The following RSPO3 variants were observed in gnomAD, a reference collection of about 807,000 sequenced individuals.
RSPO3 encodes the protein R-spondin-3.
RSPO3 carries 17 observed loss-of-function variants against 36.5 expected under a neutral mutation model. The observed-to-expected ratio is 0.47, with a 90% CI of 0.32 to 0.70. The LOEUF (loss-of-function observed/expected upper bound fraction) is 0.70. Ranked by LOEUF, RSPO3 falls within the 30% of genes least tolerant of loss-of-function variation. The pLI is 0.04. For synonymous variants in RSPO3, 108 were observed against 107.0 expected (o/e 1.01, Z -0.06); for missense variants, 294 against 322.5 (o/e 0.91, Z 0.68).
intron 4 of RSPO3, among the ~76,000 whole-genome samples, chr6:127,176,027 CTG>C (rs1775049643): frequency 6.6e-6 from 1 of 151,644 alleles, no homozygotes; most frequent in Non-Finnish European, 1.5e-5. Context: ...TTTGGATGCT[CTG>C]TAATGTTAAG....
chr6:127,121,761 G>T (rs1014202902), intron 1 of RSPO3, among the ~76,000 whole-genome samples: 6 of 152,178 alleles, frequency 3.9e-5, no homozygotes, highest in Non-Finnish European at 7.4e-5. Flanking sequence ...CGAACAAAAA[G>T]ATTCAATTCA....
At chr6:127,131,883 C>T (rs1774065171) in intron 1 of RSPO3, among the ~76,000 whole-genome samples, 1 of 152,114 alleles carries the variant, frequency 6.6e-6, no homozygotes, top group Non-Finnish European at 1.5e-5. Flanking sequence ...AATTTATTTA[C>T]TGGGTCTCTG....
intron 1 of RSPO3, among the ~76,000 whole-genome samples, chr6:127,122,237 A>G (rs572496729): frequency 1.3e-5 from 2 of 152,372 alleles, no homozygotes; most frequent in Admixed American, 1.3e-4. Context: ...TAAAAGAAAC[A>G]ATGTTTTAAG....
intron 4 of RSPO3, among the ~76,000 whole-genome samples, chr6:127,191,228 G>T (rs751339854): frequency 1.3e-5 from 2 of 152,146 alleles, no homozygotes; most frequent in South Asian, 2.1e-4. Flanking sequence ...AAAAATGAAA[G>T]AAACAAAGGA....
In RSPO3 at chr6:127,128,592, C is replaced by T. The variant is rs142697971; in HGVS notation, c.97+9303C>T. Among the ~76,000 whole-genome samples the T allele has an allele frequency of 2.7e-3, 403 of 152,022 alleles. 1 individual carries two copies. Among genetic ancestry groups the T allele is most frequent in the South Asian group, 4.6e-3 (22 of 4,806 alleles). On this transcript the variant is annotated intron_variant, in intron 1 of 4. Transcript: ENST00000356698. ...GGGAAGGCTAGACAGACAAAATAGA[C>T]GTATGTGGAGTGTGATTACAAATGA...
Position 127,198,806 on chromosome 6 carries a change from C to T in RSPO3, c.*2799C>T, listed in dbSNP as rs1775564419. On this transcript the variant is annotated 3_prime_UTR_variant, in exon 5 of 5. Transcript: ENST00000356698. ...ATCACTCTAGTTCCAGACAAGGGAACATTTCACACTTTGTTTACTTCAGGG... is the reference window on the plus strand; with the variant it reads ...ATCACTCTAGTTCCAGACAAGGGAATATTTCACACTTTGTTTACTTCAGGG... 1.3e-5 allele frequency among the ~76,000 whole-genome samples: 2 copies of T among 152,188 alleles called. No homozygotes were observed. The highest frequency in any genetic ancestry group is 4.8e-5 in the African/African-American group (2 of 41,446).
intron 4 of RSPO3, among the ~76,000 whole-genome samples, chr6:127,171,918 C>T (rs1459659022): frequency 6.6e-6 from 1 of 151,432 alleles, no homozygotes; most frequent in African/African-American, 2.4e-5. Context: ...GCAGATGACA[C>T]ATGTATATTG....
chr6:127,194,470 T>C (rs574107961), intron 4 of RSPO3, among the ~76,000 whole-genome samples: 3 of 152,332 alleles, frequency 2.0e-5, no homozygotes, highest in Non-Finnish European at 4.4e-5. Context: ...TATGTGTTCA[T>C]GGATGTTACT....
rs951804479 is a variant in RSPO3 at position 127,196,884 on chromosome 6, G to T, written c.*877G>T. Reference sequence around the variant, plus strand: ...AGAGCAAGGAGAATATAACATGTTTGCAAAGTCATGTGTTTTCTTTCTCAA... The same window carrying T: ...AGAGCAAGGAGAATATAACATGTTTTCAAAGTCATGTGTTTTCTTTCTCAA... On this transcript the variant is annotated 3_prime_UTR_variant, in exon 5 of 5. Coordinates refer to ENST00000356698, the MANE Select transcript of RSPO3 (RefSeq NM_032784.5). 1 of 152,604 alleles carries T rather than the reference G, an allele frequency of 6.6e-6. No homozygotes were observed. Among genetic ancestry groups the T allele is most frequent in the African/African-American group, 2.4e-5 (1 of 41,398 alleles). 9.5% of individuals were successfully genotyped at this position (152,604 alleles called of 1,614,324 possible). A position where few individuals can be genotyped will look rare whatever the true frequency, so the allele number is the denominator to read the frequency against.
intron 4 of RSPO3, among the ~76,000 whole-genome samples, chr6:127,175,639 G>A (rs186967168): frequency 1.1e-4 from 16 of 151,750 alleles, no homozygotes; most frequent in African/African-American, 3.9e-4. Flanking sequence ...TTTTCTCCCT[G>A]TCAACATTGC....
At position 127,119,283 on chromosome 6, in the gene RSPO3, CGAA is replaced by C. The variant is rs1562237325; in HGVS notation, c.96_97+1del. On this transcript the variant is annotated inframe_deletion, in exon 1 of 5. Coordinates refer to ENST00000356698, the MANE Select transcript of RSPO3 (RefSeq NM_032784.5). ...AAACGCCTCCCGGGGAAGGCGCCAG[CGAA>C]GAAGTAAGTGCAGGGTTTTTTACGC... The C allele has an allele frequency of 6.2e-7, 1 of 1,611,048 alleles. No homozygotes were observed. Among genetic ancestry groups the C allele is most frequent in the African/African-American group, 1.3e-5 (1 of 75,000 alleles).
chr6:127,174,100 T>C (rs76128182), intron 4 of RSPO3, among the ~76,000 whole-genome samples: 10,200 of 143,622 alleles, frequency 0.071, 711 homozygotes, highest in African/African-American at 0.19. Context: ...TTTCTAATAA[T>C]GTGTGTTTGT....
At chr6:127,161,349 A>T (rs1329389660) in intron 4 of RSPO3, among the ~76,000 whole-genome samples, 2 of 149,154 alleles carry the variant, frequency 1.3e-5, no homozygotes, top group Non-Finnish European at 1.5e-5. Context: ...TATGTTCTTA[A>T]ACTTCTCAAT....
At chr6:127,131,561 C>T (rs575129582) in intron 1 of RSPO3, among the ~76,000 whole-genome samples, 3 of 152,212 alleles carry the variant, frequency 2.0e-5, no homozygotes, top group African/African-American at 7.2e-5. Flanking sequence ...GTCACCCTTC[C>T]TAGCTCAAAC....
chr6:127,167,342 G>A (rs1028949810), intron 4 of RSPO3, among the ~76,000 whole-genome samples: 4 of 151,854 alleles, frequency 2.6e-5, no homozygotes, highest in Admixed American at 2.6e-4. Context: ...CGTTCTCATC[G>A]TTCAGCTCCC....
chr6:127,185,112 C>T (rs1423280746), intron 4 of RSPO3, among the ~76,000 whole-genome samples: 2 of 151,914 alleles, frequency 1.3e-5, no homozygotes, highest in South Asian at 4.1e-4. Context: ...AACACTTAAC[C>T]TCCAAACAAA....
At chr6:127,138,150 G>GT (rs1479934006) in intron 1 of RSPO3, among the ~76,000 whole-genome samples, 2 of 152,010 alleles carry the variant, frequency 1.3e-5, no homozygotes, top group Non-Finnish European at 2.9e-5. Context: ...TTGTAAACAA[G>GT]TAATCCAGGC....
chr6:127,170,910 G>C (rs1774921886), intron 4 of RSPO3, among the ~76,000 whole-genome samples: 1 of 151,754 alleles, frequency 6.6e-6, no homozygotes, highest in Non-Finnish European at 1.5e-5. Flanking sequence ...AATGGATACA[G>C]ACTTTTCAAA....
chr6:127,166,352 T>C (rs1031895557), intron 4 of RSPO3, among the ~76,000 whole-genome samples: 1 of 152,014 alleles, frequency 6.6e-6, no homozygotes, highest in Non-Finnish European at 1.5e-5. Flanking sequence ...ATCTCTATCA[T>C]GTTAATGAAT....
Sources: allele counts gnomAD v4.1 joint callset (sites outside exome capture counted in the v4.1 genomes callset), GRCh38; gene constraint gnomAD v4.1.1; transcripts MANE v1.5; gene names NCBI Gene and HGNC (gene_info 2026-07-23, HGNC 2026-07-21).